RBFOX1: variants seen among roughly 807,000 people sequenced by gnomAD.
RBFOX1 encodes RNA binding protein fox-1 homolog 1.
Under a neutral mutation model 57.7 loss-of-function variants are expected in RBFOX1, and 8 were observed. That is an observed-to-expected ratio of 0.14 (90% CI 0.08 to 0.25). RBFOX1 has a LOEUF of 0.25. Ranked by LOEUF, RBFOX1 falls within the 10% of genes least tolerant of loss-of-function variation. RBFOX1 has a pLI of 1.00. For missense variants in RBFOX1, 611 were observed against 548.5 expected, an observed-to-expected ratio of 1.11 and a Z score of -1.14; for synonymous variants, 326 against 222.4, an observed-to-expected ratio of 1.47 and a Z score of -4.15.
intron 3 of RBFOX1, among the ~76,000 whole-genome samples, chr16:6,956,453 G>T (rs775398147): frequency 6.6e-6 from 1 of 152,164 alleles, no homozygotes; most frequent in African/African-American, 2.4e-5. Context: ...GCTACATGCT[G>T]GGCTTTGTCA....
intron 4 of RBFOX1, among the ~76,000 whole-genome samples, chr16:5,875,881 T>A (rs1166711047): frequency 2.6e-5 from 4 of 151,694 alleles, no homozygotes; most frequent in Non-Finnish European, 5.9e-5. Context: ...TCTTGCTTTG[T>A]CTCCCAGGCT....
At chr16:7,443,156 C>G (rs928096022) in intron 4 of RBFOX1, among the ~76,000 whole-genome samples, 2 of 152,182 alleles carry the variant, frequency 1.3e-5, no homozygotes, top group African/African-American at 4.8e-5. Context: ...GTTTCTAACA[C>G]CCGTCAATTC....
chr16:5,458,457 T>C (rs2151588195), intron 1 of RBFOX1, among the ~76,000 whole-genome samples: 1 of 152,354 alleles, frequency 6.6e-6, no homozygotes, highest in African/African-American at 2.4e-5. Flanking sequence ...AGCTATATAA[T>C]GTATTGTGCT....
chr16:5,977,927 G>A (rs573577660), intron 4 of RBFOX1, among the ~76,000 whole-genome samples: 2 of 151,768 alleles, frequency 1.3e-5, no homozygotes, highest in South Asian at 2.1e-4. Context: ...TGCTAAAATC[G>A]ATATTCCATG....
chr16:6,681,584 T>C lies in RBFOX1; in HGVS notation c.-16+26934T>C, dbSNP rs150666619. 1.4e-3 allele frequency among the ~76,000 whole-genome samples: 219 copies of C among 152,126 alleles called. 1 individual carries two copies. Among genetic ancestry groups the C allele is most frequent in the African/African-American group, 5.1e-3 (212 of 41,504 alleles). On this transcript the variant is annotated intron_variant, in intron 3 of 15. Transcript: ENST00000550418. The stretch of plus-strand genomic sequence containing the variant: ...AAATAAAGTAACAATTTGTTGTTAA[T>C]TTGGCCCGTTAGTTAAAGCCGTAAA...
intron 4 of RBFOX1, among the ~76,000 whole-genome samples, chr16:5,932,308 G>T (rs1225288819): frequency 6.6e-6 from 1 of 152,232 alleles, no homozygotes; most frequent in African/African-American, 2.4e-5. Flanking sequence ...CTGTGGGACT[G>T]AGGGCTGCCC....
chr16:7,607,723 T>C (rs1408413440), intron 10 of RBFOX1, among the ~76,000 whole-genome samples: 1 of 152,214 alleles, frequency 6.6e-6, no homozygotes, highest in Non-Finnish European at 1.5e-5. Flanking sequence ...ATTTTCTTTT[T>C]CCTGGCAAAG....
At chr16:7,095,102 TTC>T (rs1455769497) in intron 4 of RBFOX1, among the ~76,000 whole-genome samples, 1 of 152,094 alleles carries the variant, frequency 6.6e-6, no homozygotes, top group Non-Finnish European at 1.5e-5. Context: ...AGAATGTTCT[TTC>T]TTTCTTTCTT....
intron 2 of RBFOX1, among the ~76,000 whole-genome samples, chr16:6,605,496 G>C (rs926081097): frequency 6.6e-6 from 1 of 152,104 alleles, no homozygotes; most frequent in Non-Finnish European, 1.5e-5. Context: ...CCCCCAAAGA[G>C]AGAAATCAGA....
chr16:5,863,782 T>C (rs1272580604), intron 3 of RBFOX1, among the ~76,000 whole-genome samples: 3 of 152,208 alleles, frequency 2.0e-5, no homozygotes, highest in Admixed American at 6.5e-5. Context: ...GTTGCATCAC[T>C]ATATGCCTTA....
chr16:6,780,270 CATAT>C (rs1331810811), intron 3 of RBFOX1, among the ~76,000 whole-genome samples: 1 of 43,232 alleles, frequency 2.3e-5, no homozygotes, highest in South Asian at 1.0e-3. Flanking sequence ...TATATTTATA[CATAT>C]ATATATTTAT....
intron 3 of RBFOX1, among the ~76,000 whole-genome samples, chr16:6,929,740 C>T (rs900499043): frequency 3.3e-5 from 5 of 151,980 alleles, no homozygotes; most frequent in African/African-American, 7.3e-5. Context: ...TTATGAAATG[C>T]AGAGGAAAAT....
In RBFOX1 at chr16:6,771,632, T is replaced by A. The variant is rs372462694; in HGVS notation, c.-16+116982T>A. On this transcript the variant is annotated intron_variant, in intron 3 of 15. Coordinates refer to ENST00000550418, the MANE Select transcript of RBFOX1 (RefSeq NM_018723.4). ...TCAGCAGTTCTCAACTGTGGACAAT[T>A]TTGCTCCTCAGGAGACATTTGGCAA... Among the ~76,000 whole-genome samples the A allele has an allele frequency of 3.9e-5, 6 of 152,276 alleles. No individual in the cohort carries two copies. The East Asian group carries it at 9.7e-4, about 25-fold the overall frequency.
chr16:7,636,661 A>G lies in RBFOX1; in HGVS notation c.757+5978A>G, dbSNP rs140567651. ...ACTGTATCAGTCAGTTTGGGCTGCT[A>G]TAACAAAATACCGTAGACTGGGAGG... On this transcript the variant is annotated intron_variant, in intron 11 of 15. Transcript: ENST00000550418. Among the ~76,000 whole-genome samples the G allele has an allele frequency of 4.5e-3, 680 of 152,346 alleles. 7 individuals carry two copies. The highest frequency in any genetic ancestry group is 0.016 in the African/African-American group (655 of 41,586).
intron 4 of RBFOX1, among the ~76,000 whole-genome samples, chr16:7,380,402 A>C (rs959980509): frequency 6.6e-6 from 1 of 152,200 alleles, no homozygotes; most frequent in Non-Finnish European, 1.5e-5. Context: ...GCTTAATATA[A>C]ATGACTTTAT....
chr16:5,449,156 G>T (rs761572126), intron 1 of RBFOX1, among the ~76,000 whole-genome samples: 17 of 152,128 alleles, frequency 1.1e-4, no homozygotes, highest in Non-Finnish European at 2.2e-4. Context: ...AAGGGGGCCT[G>T]GAGCATCCCC....
chr16:5,683,629 G>T (rs1158650724), intron 3 of RBFOX1, among the ~76,000 whole-genome samples: 2 of 151,896 alleles, frequency 1.3e-5, no homozygotes, highest in Admixed American at 6.6e-5. Flanking sequence ...CAGACTCCAA[G>T]TTCTTTAGTT....
At chr16:7,389,032 T>G (rs1417151397) in intron 4 of RBFOX1, among the ~76,000 whole-genome samples, 1 of 152,206 alleles carries the variant, frequency 6.6e-6, no homozygotes, top group Non-Finnish European at 1.5e-5. Context: ...TTGGAGAGCC[T>G]GAATGAATTG....
At position 6,505,113 on chromosome 16, in the gene RBFOX1, C is replaced by G. The variant is rs187848094; in HGVS notation, c.-63-149490C>G. 5.5e-3 allele frequency among the ~76,000 whole-genome samples: 838 copies of G among 152,170 alleles called. 6 individuals are homozygous for G. Among genetic ancestry groups the G allele is most frequent in the Non-Finnish European group, 8.1e-3 (553 of 67,970 alleles). On this transcript the variant is annotated intron_variant, in intron 2 of 15. Transcript: ENST00000550418. ...AAAAATTAGAAAAATAAAGTCTACT[C>G]AAATTATTTTTTTTCCTTCACCAGA...
Sources: allele counts gnomAD v4.1 joint callset (sites outside exome capture counted in the v4.1 genomes callset), GRCh38; gene constraint gnomAD v4.1.1; transcripts MANE v1.5; gene names NCBI Gene and HGNC (gene_info 2026-07-23, HGNC 2026-07-21).